The following PHF14 variants were observed in gnomAD, a reference collection of about 807,000 sequenced individuals.
The protein encoded by PHF14 is PHD finger protein 14.
A neutral mutation model predicts 117.9 loss-of-function variants in PHF14; 55 were observed. The ratio of observed to expected loss-of-function variants is 0.47; its 90% CI spans 0.38 to 0.58. The LOEUF (loss-of-function observed/expected upper bound fraction) is 0.58. Ranked by LOEUF, PHF14 falls within the 20% of genes least tolerant of loss-of-function variation. The pLI is 0.00. For missense variants in PHF14, 978 were observed against 1,122.2 expected, an observed-to-expected ratio of 0.87 and a Z score of 1.84; for synonymous variants, 409 against 368.6, an observed-to-expected ratio of 1.11 and a Z score of -1.26.
chr7:11,003,853 C>T (rs1051029056), intron 4 of PHF14, among the ~76,000 whole-genome samples: 2 of 152,194 alleles, frequency 1.3e-5, no homozygotes, highest in African/African-American at 4.8e-5. Flanking sequence ...TGGTATGTAT[C>T]TACCCCATCT....
At chr7:11,038,161 C>G (rs1784372149) in intron 10 of PHF14, among the ~76,000 whole-genome samples, 1 of 152,052 alleles carries the variant, frequency 6.6e-6, no homozygotes, top group South Asian at 2.1e-4. Context: ...TGCCTGTAAT[C>G]CCAGCACTTT....
chr7:11,004,805 G>C (rs764952236), intron 4 of PHF14, among the ~76,000 whole-genome samples: 1 of 152,002 alleles, frequency 6.6e-6, no homozygotes, highest in Non-Finnish European at 1.5e-5. Flanking sequence ...GGAGGCCGAG[G>C]TGGGTGGATT....
intron 16 of PHF14, among the ~76,000 whole-genome samples, chr7:11,070,410 A>C (rs1343302529): frequency 6.6e-6 from 1 of 152,216 alleles, no homozygotes; most frequent in Non-Finnish European, 1.5e-5. Context: ...TATTGATTTC[A>C]TCTCATTTGC....
At chr7:11,053,789 C>CT (rs1235606460) in intron 14 of PHF14, among the ~76,000 whole-genome samples, 2 of 151,716 alleles carry the variant, frequency 1.3e-5, no homozygotes, top group African/African-American at 4.8e-5. Context: ...TTTTTCTCAC[C>CT]TTTACTGGTC....
At chr7:11,032,630 CTT>C (rs1015157992) in intron 7 of PHF14, among the ~76,000 whole-genome samples, 1 of 152,126 alleles carries the variant, frequency 6.6e-6, no homozygotes, top group Non-Finnish European at 1.5e-5. Context: ...ATTTAAATGA[CTT>C]TAGATGGGGC....
At position 11,122,443 on chromosome 7, in the gene PHF14, G is replaced by GTATATATATATACA. The variant is rs1562476612; in HGVS notation, c.2772+10988_2772+10989insCATATATATATATA. On this transcript the variant is annotated intron_variant, in intron 17 of 17. Coordinates refer to ENST00000634607, the MANE Select transcript of PHF14 (RefSeq NM_001007157.2). ...TATATATACACGTATATATATATAC[G>GTATATATATATACA]TATATATATATATTGTGTGTGTGTG... Among the ~76,000 whole-genome samples, 40 of 119,042 alleles carry GTATATATATATACA rather than the reference G, an allele frequency of 3.4e-4. 2 individuals are homozygous for GTATATATATATACA. The highest frequency in any genetic ancestry group is 1.5e-3 in the East Asian group (6 of 4,122). The allele number at this position is 119,042 out of a possible 152,430, so 78.1% of individuals were successfully genotyped here. A position where few individuals can be genotyped will look rare whatever the true frequency, so the allele number is the denominator to read the frequency against.
chr7:11,069,086 T>G (rs936728305), intron 16 of PHF14, among the ~76,000 whole-genome samples: 2 of 152,164 alleles, frequency 1.3e-5, no homozygotes, highest in South Asian at 4.1e-4. Flanking sequence ...AACTTTATTT[T>G]CTTATTCTGG....
chr7:11,036,122 A>G (rs1212430259), intron 8 of PHF14, among the ~76,000 whole-genome samples: 1 of 152,214 alleles, frequency 6.6e-6, no homozygotes, highest in African/African-American at 2.4e-5. Context: ...ATATAATTTT[A>G]TATACATTAA....
Position 11,077,429 on chromosome 7 carries a change from C to T in PHF14, c.2654+15344C>T, listed in dbSNP as rs531175557. ...CATCCTGGCCAACGTGGTAAAACCC[C>T]GTCTCTACTACAAATACAAAAATTA... On this transcript the variant is annotated intron_variant, in intron 16 of 17. Transcript: ENST00000634607. Among the ~76,000 whole-genome samples the T allele has an allele frequency of 1.1e-4, 16 of 151,700 alleles. No homozygotes were observed. The East Asian group carries it at 2.3e-3, about 22-fold the overall frequency.
intron 14 of PHF14, among the ~76,000 whole-genome samples, chr7:11,056,875 A>T (rs1430741508): frequency 6.6e-6 from 1 of 150,918 alleles, no homozygotes; most frequent in Non-Finnish European, 1.5e-5. Flanking sequence ...AATAGCTGCC[A>T]GAAAGCTACT....
intron 16 of PHF14, among the ~76,000 whole-genome samples, chr7:11,086,074 A>G (rs1486375335): frequency 1.3e-5 from 2 of 152,184 alleles, no homozygotes; most frequent in Admixed American, 6.5e-5. Context: ...GATTAAATGA[A>G]TAAAAATATG....
chr7:11,058,713 G>A lies in PHF14; in HGVS notation c.2482-3078G>A, dbSNP rs74795853. Among the ~76,000 whole-genome samples, 900 of 152,108 alleles carry A rather than the reference G, an allele frequency of 5.9e-3. 8 individuals are homozygous for A. The highest frequency in any genetic ancestry group is 0.021 in the African/African-American group (858 of 41,488). On this transcript the variant is annotated intron_variant, in intron 14 of 17. Coordinates refer to ENST00000634607, the MANE Select transcript of PHF14 (RefSeq NM_001007157.2). ...GTTACAGTTTAGTTTAAGTATTTAC[G>A]TGCAATAAGAGATTTGCATTCTGAA...
chr7:11,084,727 C>G (rs566236338), intron 16 of PHF14, among the ~76,000 whole-genome samples: 2 of 151,934 alleles, frequency 1.3e-5, no homozygotes, highest in African/African-American at 4.8e-5. Flanking sequence ...ATCTTGTTAC[C>G]CACTGGACAT....
intron 2 of PHF14, among the ~76,000 whole-genome samples, chr7:10,976,360 A>C (rs1781865003): frequency 6.6e-6 from 1 of 152,166 alleles, no homozygotes; most frequent in Admixed American, 6.5e-5. Flanking sequence ...TTTAAATCTT[A>C]GTTCTCTTGG....
At chr7:11,105,060 A>G in intron 16 of PHF14, 1 of 905,094 alleles carries the variant, frequency 1.1e-6, no homozygotes, top group Non-Finnish European at 1.3e-6. Flanking sequence ...CTGACTATGG[A>G]AACAGCACTA....
At chr7:11,105,389 CAA>C in intron 16 of PHF14, 1 of 955,832 alleles carries the variant, frequency 1.0e-6, no homozygotes, top group Non-Finnish European at 1.2e-6. Flanking sequence ...TGGTTTTAAA[CAA>C]AGTTACTTAT....
chr7:11,116,047 G>A (rs1219737705), intron 17 of PHF14, among the ~76,000 whole-genome samples: 1 of 151,972 alleles, frequency 6.6e-6, no homozygotes, highest in Non-Finnish European at 1.5e-5. Flanking sequence ...TTGAGACTAT[G>A]TAAAAATATC....
intron 17 of PHF14, among the ~76,000 whole-genome samples, chr7:11,124,462 A>G (rs1013889496): frequency 3.3e-5 from 5 of 152,170 alleles, no homozygotes; most frequent in African/African-American, 1.2e-4. Context: ...TTTTTAAAAT[A>G]AGAAAGTATC....
At chr7:11,126,345 A>G (rs1462911514) in intron 17 of PHF14, among the ~76,000 whole-genome samples, 4 of 152,072 alleles carry the variant, frequency 2.6e-5, no homozygotes, top group African/African-American at 9.7e-5. Context: ...AATGAAGTAC[A>G]TATTTTTAGG....
Sources: gnomAD v4.1 joint callset for allele counts (sites outside exome capture counted in the v4.1 genomes callset) on GRCh38, gnomAD v4.1.1 for gene constraint, MANE v1.5 for transcripts, NCBI Gene and HGNC (gene_info 2026-07-23, HGNC 2026-07-21) for gene names.